NXPH1: variants seen among roughly 807,000 people sequenced by gnomAD.
The protein encoded by NXPH1 is neurexophilin 1.
Under a neutral mutation model 23.7 loss-of-function variants are expected in NXPH1, and 5 were observed. The observed-to-expected ratio is 0.21, with a 90% confidence interval of 0.11 to 0.44. The LOEUF (loss-of-function observed/expected upper bound fraction) is 0.44, where lower values mean the gene tolerates loss of function less well. NXPH1 is among the 20% of genes least tolerant of loss of function. NXPH1 has a pLI of 0.99. For synonymous variants in NXPH1, 144 were observed against 122.2 expected, an observed-to-expected ratio of 1.18 and a Z score of -1.18; for missense variants, 324 against 321.6, an observed-to-expected ratio of 1.01 and a Z score of -0.06.
intron 2 of NXPH1, among the ~76,000 whole-genome samples, chr7:8,588,502 C>G (rs1315409273): frequency 6.6e-6 from 1 of 152,092 alleles, no homozygotes; most frequent in Non-Finnish European, 1.5e-5. Context: ...GCACATTGGC[C>G]TTCTCTTGCA....
intron 2 of NXPH1, among the ~76,000 whole-genome samples, chr7:8,702,161 G>A (rs766956923): frequency 1.3e-5 from 2 of 151,718 alleles, no homozygotes; most frequent in Non-Finnish European, 2.9e-5. Context: ...GCTTTTTCTG[G>A]TGCTTTTTGG....
intron 2 of NXPH1, among the ~76,000 whole-genome samples, chr7:8,726,734 G>A (rs1460460118): frequency 2.4e-4 from 36 of 148,446 alleles, no homozygotes; most frequent in East Asian, 7.9e-4. Flanking sequence ...CCAGTCTATC[G>A]TTGTTGGACA....
intron 2 of NXPH1, among the ~76,000 whole-genome samples, chr7:8,452,176 C>T (rs1266385539): frequency 5.3e-5 from 8 of 152,186 alleles, no homozygotes; most frequent in Non-Finnish European, 7.4e-5. Flanking sequence ...AACTGACTCT[C>T]ACCAGAATAC....
At chr7:8,585,491 C>T (rs896579046) in intron 2 of NXPH1, among the ~76,000 whole-genome samples, 6 of 152,146 alleles carry the variant, frequency 3.9e-5, no homozygotes, top group African/African-American at 1.4e-4. Flanking sequence ...ACCAGGATTA[C>T]TGATGAAAGA....
chr7:8,713,943 C>G (rs890841664), intron 2 of NXPH1, among the ~76,000 whole-genome samples: 11 of 152,282 alleles, frequency 7.2e-5, no homozygotes, highest in Middle Eastern at 3.4e-3. Context: ...GAGTCTTGCT[C>G]AAGGCCCCGG....
intron 2 of NXPH1, among the ~76,000 whole-genome samples, chr7:8,474,269 G>T (rs1253704178): frequency 6.6e-6 from 1 of 151,910 alleles, no homozygotes; most frequent in Non-Finnish European, 1.5e-5. Flanking sequence ...CTCTTCAGTT[G>T]GTGCAAACAA....
intron 2 of NXPH1, among the ~76,000 whole-genome samples, chr7:8,652,568 A>G (rs999520895): frequency 1.3e-5 from 2 of 152,148 alleles, no homozygotes; most frequent in Non-Finnish European, 2.9e-5. Context: ...TATTACACAC[A>G]ATTTTTGAGC....
At chr7:8,581,653 A>C (rs561767461) in intron 2 of NXPH1, among the ~76,000 whole-genome samples, 1 of 152,314 alleles carries the variant, frequency 6.6e-6, no homozygotes, top group South Asian at 2.1e-4. Context: ...AACATGCTGG[A>C]GTCTTCACAG....
intron 2 of NXPH1, among the ~76,000 whole-genome samples, chr7:8,671,651 T>C (rs1820871025): frequency 1.3e-5 from 2 of 152,172 alleles, no homozygotes; most frequent in African/African-American, 4.8e-5. Context: ...AGTTTTTATG[T>C]TTTAGATAAG....
chr7:8,535,812 T>G (rs537496842), intron 2 of NXPH1, among the ~76,000 whole-genome samples: 1 of 152,140 alleles, frequency 6.6e-6, no homozygotes, highest in Non-Finnish European at 1.5e-5. Flanking sequence ...AAGCTGGATT[T>G]TTCAAAGGTG....
chr7:8,526,731 G>A (rs992067704), intron 2 of NXPH1, among the ~76,000 whole-genome samples: 14 of 152,082 alleles, frequency 9.2e-5, no homozygotes, highest in Non-Finnish European at 1.3e-4. Flanking sequence ...CCACTGCCTC[G>A]AAAGAAGTGC....
intron 2 of NXPH1, among the ~76,000 whole-genome samples, chr7:8,454,161 T>C (rs1447551156): frequency 2.0e-5 from 3 of 151,974 alleles, no homozygotes; most frequent in African/African-American, 4.8e-5. Context: ...ACCTGGGTGA[T>C]GAAATAATCT....
At chr7:8,613,223 A>G (rs1321157376) in intron 2 of NXPH1, among the ~76,000 whole-genome samples, 2 of 151,788 alleles carry the variant, frequency 1.3e-5, no homozygotes, top group Non-Finnish European at 2.9e-5. Context: ...GTCATGTTTT[A>G]AGTTTTGCGC....
chr7:8,641,986 G>A (rs1344746141), intron 2 of NXPH1, among the ~76,000 whole-genome samples: 1 of 152,112 alleles, frequency 6.6e-6, no homozygotes, highest in Non-Finnish European at 1.5e-5. Flanking sequence ...CATTCCTGGA[G>A]CCCTGCACCT....
intron 2 of NXPH1, among the ~76,000 whole-genome samples, chr7:8,580,943 A>G (rs1055393470): frequency 1.3e-5 from 2 of 152,148 alleles, no homozygotes; most frequent in African/African-American, 2.4e-5. Flanking sequence ...AAACATAACC[A>G]TCAATTCTTC....
At chr7:8,536,868 T>C (rs1310970192) in intron 2 of NXPH1, among the ~76,000 whole-genome samples, 1 of 151,944 alleles carries the variant, frequency 6.6e-6, no homozygotes, top group Non-Finnish European at 1.5e-5. Flanking sequence ...TAAAGATGTC[T>C]GCTGATTTCT....
chr7:8,447,829 G>C (rs1212463733), intron 2 of NXPH1, among the ~76,000 whole-genome samples: 2 of 152,198 alleles, frequency 1.3e-5, no homozygotes, highest in Admixed American at 6.5e-5. Context: ...CGAACAAGTG[G>C]TTAAAAGTGT....
Position 8,624,613 on chromosome 7 carries a change from G to A in NXPH1, c.55-126395G>A, listed in dbSNP as rs74772818. On this transcript the variant is annotated intron_variant, in intron 2 of 2. Transcript: ENST00000405863. ...GTGGAGGGAGCACACAGCCCATGGTGAACACACCATGCATCTTTTTGAATG... is the reference window on the plus strand; with the variant it reads ...GTGGAGGGAGCACACAGCCCATGGTAAACACACCATGCATCTTTTTGAATG... 9.8e-3 allele frequency among the ~76,000 whole-genome samples: 1,496 copies of A among 152,222 alleles called. 26 individuals are homozygous for A. The highest frequency in any genetic ancestry group is 0.034 in the African/African-American group (1,423 of 41,538).
intron 2 of NXPH1, among the ~76,000 whole-genome samples, chr7:8,455,016 C>T (rs984970198): frequency 6.6e-6 from 1 of 152,036 alleles, no homozygotes; most frequent in Non-Finnish European, 1.5e-5. Context: ...ATTTATGATG[C>T]TGTTTTTTTC....
Sources: allele counts gnomAD v4.1 joint callset (sites outside exome capture counted in the v4.1 genomes callset), GRCh38; gene constraint gnomAD v4.1.1; transcripts MANE v1.5; gene names NCBI Gene and HGNC (gene_info 2026-07-23, HGNC 2026-07-21).